PPHLN1: variants seen among roughly 807,000 people sequenced by gnomAD.
PPHLN1 encodes periphilin-1.
PPHLN1 carries 29 observed loss-of-function variants against 51.3 expected under a neutral mutation model. That is an observed-to-expected ratio of 0.57 (90% CI 0.42 to 0.77). The LOEUF is 0.77. Ranked by LOEUF, PPHLN1 falls within the 30% of genes least tolerant of loss-of-function variation. The pLI is 0.00. For synonymous variants in PPHLN1, 147 were observed against 147.8 expected (o/e 0.99, Z 0.04); for missense variants, 436 against 438.4 (o/e 0.99, Z 0.05).
intron 2 of PPHLN1, among the ~76,000 whole-genome samples, chr12:42,341,631 A>T (rs60131710): frequency 0.16 from 24,437 of 151,564 alleles, 1,982 homozygotes; most frequent in Admixed American, 0.2. Context: ...TATTATTATT[A>T]TTATTTTTTG....
At chr12:42,444,245 C>G (rs2083170430), downstream of PPHLN1, 4 of 151,714 alleles carry the variant, frequency 2.6e-5, no homozygotes, top group Admixed American at 2.6e-4. Flanking sequence ...ACTAACATAC[C>G]TTAAATAATT....
intron 4 of PPHLN1, among the ~76,000 whole-genome samples, chr12:42,364,623 CA>C (rs1242795894): frequency 6.6e-6 from 1 of 151,948 alleles, no homozygotes; most frequent in African/African-American, 2.4e-5. Context: ...GACTCTGTCT[CA>C]AAAAATTTTT....
intron 9 of PPHLN1, among the ~76,000 whole-genome samples, chr12:42,428,612 A>G (rs1168897508): frequency 6.6e-6 from 1 of 152,066 alleles, no homozygotes; most frequent in Non-Finnish European, 1.5e-5. Flanking sequence ...TTGGAGACTC[A>G]GGGGAAAAGA....
chr12:42,436,485 C>T (rs2082495860), intron 9 of PPHLN1, among the ~76,000 whole-genome samples: 1 of 152,224 alleles, frequency 6.6e-6, no homozygotes, highest in Admixed American at 6.5e-5. Context: ...TTCTGGTTGT[C>T]TCATGAGTGC....
intron 4 of PPHLN1, among the ~76,000 whole-genome samples, chr12:42,371,791 A>G (rs867172938): frequency 7.9e-5 from 12 of 152,250 alleles, no homozygotes; most frequent in Middle Eastern, 3.2e-3. Context: ...TTTAATGCCA[A>G]TTACATGTTG....
chr12:42,403,782 G>C (rs1379904152), intron 9 of PPHLN1, among the ~76,000 whole-genome samples: 3 of 152,126 alleles, frequency 2.0e-5, no homozygotes, highest in Admixed American at 1.3e-4. Flanking sequence ...AGCAGTTCCA[G>C]TAAAGGTAAT....
chr12:42,423,038 A>G (rs996519619), intron 9 of PPHLN1, among the ~76,000 whole-genome samples: 9 of 152,204 alleles, frequency 5.9e-5, no homozygotes, highest in African/African-American at 2.2e-4. Flanking sequence ...GCATGGTTCT[A>G]ACATTAGTAT....
At chr12:42,440,915 A>G (rs61926598) in intron 9 of PPHLN1, among the ~76,000 whole-genome samples, 1,708 of 152,346 alleles carry the variant, frequency 0.011, 21 homozygotes, top group South Asian at 0.016. Context: ...TGATTCAAAC[A>G]AAGAATCTAA....
At chr12:42,378,105 TTTCTTTCTTTC>T (rs1472716244) in intron 5 of PPHLN1, among the ~76,000 whole-genome samples, 1 of 102,672 alleles carries the variant, frequency 9.7e-6, no homozygotes, top group Non-Finnish European at 2.1e-5. Context: ...TCTTTCTTTC[TTTCTTTCTTTC>T]TTTCTTTCTT....
intron 2 of PPHLN1, among the ~76,000 whole-genome samples, chr12:42,345,865 C>A (rs1050582850): frequency 4.6e-4 from 70 of 151,776 alleles, no homozygotes; most frequent in Middle Eastern, 3.4e-3. Context: ...ATTATGGTGC[C>A]ATTGTTTTTC....
At chr12:42,403,691 A>G (rs1032905318) in intron 9 of PPHLN1, among the ~76,000 whole-genome samples, 2 of 152,244 alleles carry the variant, frequency 1.3e-5, no homozygotes, top group African/African-American at 4.8e-5. Flanking sequence ...TTAAAATGAT[A>G]TGAGTACCTT....
chr12:42,384,248 G>GA (rs781204005), intron 5 of PPHLN1, among the ~76,000 whole-genome samples: 38 of 143,736 alleles, frequency 2.6e-4, no homozygotes, highest in South Asian at 4.4e-4. Context: ...TTTTCTCAGA[G>GA]AAAAAAAAAA....
intron 2 of PPHLN1, among the ~76,000 whole-genome samples, chr12:42,343,306 C>T (rs1230427159): frequency 6.6e-6 from 1 of 152,094 alleles, no homozygotes; most frequent in Non-Finnish European, 1.5e-5. Flanking sequence ...TTTATACAGT[C>T]ATCAGTGTTC....
At chr12:42,384,321 A>G (rs1217015732) in intron 5 of PPHLN1, among the ~76,000 whole-genome samples, 1 of 152,104 alleles carries the variant, frequency 6.6e-6, no homozygotes, top group African/African-American at 2.4e-5. Flanking sequence ...TGGAGTTTGT[A>G]TCTTACTGGA....
intron 9 of PPHLN1, among the ~76,000 whole-genome samples, chr12:42,430,491 TTTTGG>T (rs1225312794): frequency 1.3e-5 from 2 of 149,684 alleles, no homozygotes; most frequent in Non-Finnish European, 1.5e-5. Flanking sequence ...TATATTCTTT[TTTTGG>T]TTTTGTTTTG....
At chr12:42,376,038 G>T (rs1163959948) in intron 5 of PPHLN1, among the ~76,000 whole-genome samples, 2 of 152,152 alleles carry the variant, frequency 1.3e-5, no homozygotes, top group Non-Finnish European at 2.9e-5. Flanking sequence ...TCATAAATGA[G>T]TTGACATGAG....
intron 5 of PPHLN1, 140 bp from the exon 6 acceptor site, chr12:42,384,800 G>A (rs940615378): frequency 1.5e-5 from 10 of 667,812 alleles, no homozygotes; most frequent in African/African-American, 5.4e-5. Flanking sequence ...CAACTTGAAA[G>A]TAGGGTAGGA....
rs988894991 is a variant in PPHLN1 at position 42,352,127 on chromosome 12, G to A, written c.237+78G>A. 7.1e-6 allele frequency: 9 copies of A among 1,262,864 alleles called. No homozygotes were observed. In the East Asian group the frequency reaches 9.2e-5, roughly 13 times the overall value. The allele number at this position is 1,262,864 out of a possible 1,614,324, so 78.2% of individuals were successfully genotyped here. A position where few individuals can be genotyped will look rare whatever the true frequency, so the allele number is the denominator to read the frequency against. On this transcript the variant is annotated intron_variant, in intron 3 of 9. Coordinates refer to ENST00000358314, the MANE Select transcript of PPHLN1 (RefSeq NM_201439.2). ...AATGTAATTTAAAAATTTATGTGACGGCCGTGAAAGCAGTTGAATAAACAC... is the reference window on the plus strand; with the variant it reads ...AATGTAATTTAAAAATTTATGTGACAGCCGTGAAAGCAGTTGAATAAACAC...
chr12:42,382,745 A>G (rs1565890854), intron 5 of PPHLN1, among the ~76,000 whole-genome samples: 1 of 152,206 alleles, frequency 6.6e-6, no homozygotes, highest in African/African-American at 2.4e-5. Flanking sequence ...AGGGGTAGCT[A>G]TGAAGATGTA....
Sources: gnomAD v4.1 joint callset for allele counts (sites outside exome capture counted in the v4.1 genomes callset) on GRCh38, gnomAD v4.1.1 for gene constraint, MANE v1.5 for transcripts, NCBI Gene and HGNC (gene_info 2026-07-23, HGNC 2026-07-21) for gene names.